The following ZNF181 variants were observed in gnomAD, a reference collection of about 807,000 sequenced individuals.
ZNF181 encodes the protein zinc finger protein 181 (HHZ181).
ZNF181 carries 8 observed loss-of-function variants against 11.9 expected under a neutral mutation model. That is an observed-to-expected ratio of 0.67 (90% CI 0.39 to 1.21). ZNF181 has a LOEUF of 1.21. ZNF181 is among the 50% of genes most tolerant of loss of function. The pLI, the probability that ZNF181 is intolerant of heterozygous loss-of-function variation, is 0.01. For missense variants in ZNF181, 542 were observed against 670.9 expected (o/e 0.81, Z 2.12); for synonymous variants, 202 against 221.1 (o/e 0.91, Z 0.77).
At position 34,735,272 on chromosome 19, in the gene ZNF181, G is replaced by C. The variant is rs371514661; in HGVS notation, c.9+226G>C. ...TTCTGCTAGAAGACTTTCTAGTCTT[G>C]CCAACATTTTAAAACTGTAATTCAC... On this transcript the variant is annotated intron_variant, in intron 1 of 3. Coordinates refer to ENST00000492450, the MANE Select transcript of ZNF181 (RefSeq NM_001029997.4). 9.2e-5 allele frequency among the ~76,000 whole-genome samples: 14 copies of C among 152,278 alleles called. No homozygotes were observed. The South Asian group carries it at 2.9e-3, about 32-fold the overall frequency.
At chr19:34,739,692 T>C (rs2068940267) in intron 3 of ZNF181, 71 bp downstream of exon 3, 2 of 1,527,496 alleles carry the variant, frequency 1.3e-6, no homozygotes, top group Non-Finnish European at 1.8e-6. Flanking sequence ...AGTGAGTTTA[T>C]AGTGAGTGTG....
chr19:34,741,629 C>G lies in ZNF181; in HGVS notation c.1248C>G (p.Ser416Arg), dbSNP rs897703045. ...ECNKCLKVFS[S>R]LSFLVQHQSI... ...ACAAATGTCTGAAAGTCTTTAGTAG[C>G]CTCTCATTTCTTGTTCAGCATCAGA... is the stretch of plus-strand genomic sequence containing the variant. The change falls in exon 4 of 4, where the codon AGC becomes AGG. Residue 416 changes from serine (S) to arginine (R), a missense_variant. Coordinates refer to ENST00000492450, the MANE Select transcript of ZNF181 (RefSeq NM_001029997.4). The G allele has an allele frequency of 6.2e-7, 1 of 1,613,714 alleles. No homozygotes were observed. Among genetic ancestry groups the G allele is most frequent in the African/African-American group, 1.3e-5 (1 of 74,920 alleles).
In ZNF181 at chr19:34,740,868, A is replaced by G. The variant is rs1600143647; in HGVS notation, c.487A>G (p.Thr163Ala). ...SVYKYNIFRS[T>A]FHSKSTLSEP... Reference sequence around the variant, plus strand: ...TTACAAATACAATATATTTAGAAGCACCTTTCATTCAAAGTCTACTCTTTC... The same window carrying G: ...TTACAAATACAATATATTTAGAAGCGCCTTTCATTCAAAGTCTACTCTTTC... Residue 163 changes from threonine (T) to alanine (A), a missense_variant, in exon 4 of 4, where the codon ACC (threonine) becomes GCC (alanine). By Grantham distance (58) the Thr-to-Ala change is moderately conservative. Coordinates refer to ENST00000492450, the MANE Select transcript of ZNF181 (RefSeq NM_001029997.4). 1 of 1,614,026 alleles carries G rather than the reference A, an allele frequency of 6.2e-7. No individual in the cohort carries two copies. Among genetic ancestry groups the G allele is most frequent in the East Asian group, 2.2e-5 (1 of 44,868 alleles).
At position 34,742,810 on chromosome 19, in the gene ZNF181, A is replaced by G. The variant is rs1007745628; in HGVS notation, c.*713A>G. 2 of 152,194 alleles carry G rather than the reference A, an allele frequency of 1.3e-5. No homozygotes were observed. The highest frequency in any genetic ancestry group is 2.4e-5 in the African/African-American group (1 of 41,438). The allele number at this position is 152,194 out of a possible 1,614,324, so 9.4% of individuals were successfully genotyped here. ...ATAATATTGAAAATTAAAGCTGCAA[A>G]AGAAATAAAGTGATGTTAATAAAAG... On this transcript the variant is annotated 3_prime_UTR_variant, in exon 4 of 4. Transcript: ENST00000492450.
Position 34,741,085 on chromosome 19 carries a change from A to G in ZNF181, c.704A>G (p.Lys235Arg), listed in dbSNP as rs1197988265. ...LTLPQTCNRE[K>R]IYTCSECGKA... Reference sequence around the variant, plus strand: ...CTTCCCCAGACTTGTAATAGAGAGAAAATCTATACATGCAGTGAATGTGGG... The same window carrying G: ...CTTCCCCAGACTTGTAATAGAGAGAGAATCTATACATGCAGTGAATGTGGG... Residue 235 changes from lysine (K) to arginine (R), a missense_variant, in exon 4 of 4, where the codon AAA becomes AGA. Physicochemically the swap from Lys to Arg is conservative, Grantham distance 26. Coordinates refer to ENST00000492450, the MANE Select transcript of ZNF181 (RefSeq NM_001029997.4). 6.2e-7 allele frequency: 1 copy of G among 1,614,168 alleles called. No homozygotes were observed. Among genetic ancestry groups the G allele is most frequent in the Admixed American group, 1.7e-5 (1 of 60,028 alleles).
rs1270758836 is a variant in ZNF181, at chr19:34,744,487, T to A, written c.*2390T>A. 6.6e-6 allele frequency: 1 copy of A among 151,684 alleles called. No homozygotes were observed. Among genetic ancestry groups the A allele is most frequent in the African/African-American group, 2.4e-5 (1 of 41,224 alleles). 9.4% of individuals were successfully genotyped at this position (151,684 alleles called of 1,614,324 possible). ...ACCAGCCTGGGCAATATAGCAAAAC[T>A]CATTAGTCTGTTAAAAAAAAAAATT... On this transcript the variant is annotated 3_prime_UTR_variant, in exon 4 of 4. Transcript: ENST00000492450.
At position 34,741,295 on chromosome 19, in the gene ZNF181, T is replaced by G. The variant is rs143797666; in HGVS notation, c.914T>G (p.Val305Gly). Residue 305 changes from valine (V) to glycine (G), a missense_variant, in exon 4 of 4, where the codon GTC (valine) becomes GGC (glycine). Transcript: ENST00000492450. ...GAATGTGGGAAGGCCTTTAGCCATG[T>G]CTCATCACTTACTAACCATCAGAGC... is the stretch of plus-strand genomic sequence containing the variant. ...CIECGKAFSH[V>G]SSLTNHQSTH... The G allele has an allele frequency of 5.0e-4, 804 of 1,613,590 alleles. 1 individual carries two copies. In the East Asian group the frequency reaches 6.2e-3, roughly 12 times the overall value.
chr19:34,740,563 T>G, intron 3 of ZNF181, 48 bp from the exon 4 acceptor site: 1 of 1,432,326 alleles, frequency 7.0e-7, no homozygotes, highest in Non-Finnish European at 9.2e-7. Flanking sequence ...TCTTTTCAAA[T>G]AGTTAAAAAA....
chr19:34,737,312 C>G, intron 1 of ZNF181, among the ~76,000 whole-genome samples: 1 of 152,130 alleles, frequency 6.6e-6, no homozygotes, highest in East Asian at 1.9e-4. Context: ...AAACCAAAGA[C>G]GAGTATCACT....
intron 1 of ZNF181, chr19:34,736,263 T>A: frequency 1.5e-6 from 1 of 679,082 alleles, no homozygotes; most frequent in Non-Finnish European, 2.7e-6. Context: ...AGTTAGATAA[T>A]TAGAATTGAA....
rs1310057663 is a variant in ZNF181 at position 34,743,014 on chromosome 19, CAG to C, written c.*920_*921del. 6.6e-6 allele frequency: 1 copy of C among 152,062 alleles called. No homozygotes were observed. The highest frequency in any genetic ancestry group is 1.5e-5 in the Non-Finnish European group (1 of 68,010). 9.4% of individuals were successfully genotyped at this position (152,062 alleles called of 1,614,324 possible). ...TAGCAGTATTTTGATGAGGATTATT[CAG>C]AGTCAATTTCCAGTAGGCTTAATCA... On this transcript the variant is annotated 3_prime_UTR_variant, in exon 4 of 4. Coordinates refer to ENST00000492450, the MANE Select transcript of ZNF181 (RefSeq NM_001029997.4).
At chr19:34,739,440 T>A (rs2068935148) in intron 2 of ZNF181, 83 bp from the exon 3 acceptor site, 2 of 1,586,778 alleles carry the variant, frequency 1.3e-6, no homozygotes, top group South Asian at 2.2e-5. Flanking sequence ...TGAATACCCT[T>A]CATCCCTTCC....
chr19:34,735,377 G>A (rs192123026), intron 1 of ZNF181, among the ~76,000 whole-genome samples: 9 of 152,318 alleles, frequency 5.9e-5, no homozygotes, highest in Admixed American at 5.9e-4. Context: ...AGAGATGCTT[G>A]CAGTCATCCT....
chr19:34,739,472 CTCTCA>C, intron 2 of ZNF181, 46 bp from the exon 3 acceptor site: 2 of 1,607,838 alleles, frequency 1.2e-6, no homozygotes, highest in Non-Finnish European at 1.7e-6. Context: ...TTGTGATGGC[CTCTCA>C]TAATAGAGGA....
At chr19:34,739,790 T>A (rs1163214417) in intron 3 of ZNF181, among the ~76,000 whole-genome samples, 169 bp downstream of exon 3, 1 of 152,190 alleles carries the variant, frequency 6.6e-6, no homozygotes, top group East Asian at 1.9e-4. Context: ...AAACAATTGT[T>A]CCTCTATCCC....
intron 3 of ZNF181, 73 bp downstream of exon 3, chr19:34,739,694 G>C: frequency 6.5e-7 from 1 of 1,527,916 alleles, no homozygotes; most frequent in Non-Finnish European, 9.0e-7. Flanking sequence ...TGAGTTTATA[G>C]TGAGTGTGGA....
In ZNF181 at chr19:34,739,602, G is replaced by A. The variant is rs961584976; in HGVS notation, c.210G>A (p.Leu70=). Residue 70 remains leucine (L), a synonymous_variant, in exon 3 of 4, where the codon CTG becomes CTA. Transcript: ENST00000492450. ...GKEPWMMEKK[L]SKGMIPDWES... is the part of the protein sequence containing the mutation. ...AGCCCTGGATGATGGAGAAAAAACT[G>A]TCAAAAGGTATGATTCCAGGTGAGT... is the stretch of plus-strand genomic sequence containing the variant. 1.9e-6 allele frequency: 3 copies of A among 1,614,098 alleles called. No individual in the cohort carries two copies. Among genetic ancestry groups the A allele is most frequent in the Admixed American group, 1.7e-5 (1 of 60,014 alleles).
intron 1 of ZNF181, among the ~76,000 whole-genome samples, 198 bp from the exon 2 acceptor site, chr19:34,738,950 A>G (rs548925873): frequency 2.6e-5 from 4 of 152,208 alleles, no homozygotes; most frequent in African/African-American, 4.8e-5. Flanking sequence ...TTCTAAGCAC[A>G]TAACTGTCCC....
chr19:34,740,973 A>G lies in ZNF181; in HGVS notation c.592A>G (p.Ile198Val), dbSNP rs368296060. The G allele has an allele frequency of 6.2e-6, 10 of 1,613,920 alleles. No individual in the cohort carries two copies. The highest frequency in any genetic ancestry group is 4.4e-5 in the South Asian group (4 of 91,056). Reference protein sequence around the residue: ...LKKNLPKKSVIKNEKVNGGKK... With the variant: ...LKKNLPKKSVVKNEKVNGGKK... ...GAAGAACTTACCAAAAAAGTCAGTTATAAAAAATGAGAAAGTCAATGGTGG... is the reference window on the plus strand; with the variant it reads ...GAAGAACTTACCAAAAAAGTCAGTTGTAAAAAATGAGAAAGTCAATGGTGG... The change falls in exon 4 of 4, where the codon ATA becomes GTA. Residue 198 changes from isoleucine (I) to valine (V), a missense_variant. Ile to Val is a conservative substitution (Grantham distance 29). Transcript: ENST00000492450.
Sources: allele counts gnomAD v4.1 joint callset (sites outside exome capture counted in the v4.1 genomes callset), GRCh38; gene constraint gnomAD v4.1.1; transcripts MANE v1.5; gene names NCBI Gene and HGNC (gene_info 2026-07-23, HGNC 2026-07-21).